ZMYND11: variants seen among roughly 807,000 people sequenced by gnomAD.
ZMYND11 encodes zinc finger MYND domain-containing protein 11.
A neutral mutation model predicts 84.9 loss-of-function variants in ZMYND11; 9 were observed. The observed-to-expected ratio is 0.11, with a 90% confidence interval of 0.06 to 0.18. The LOEUF (loss-of-function observed/expected upper bound fraction) is 0.18. Among genes scored for constraint, ZMYND11 ranks in the 10% least tolerant of loss-of-function variants. The probability of loss-of-function intolerance (pLI) is 1.00; values close to 1 mark genes in which losing one functional copy is unlikely to be tolerated. For synonymous variants in ZMYND11, 250 were observed against 244.1 expected, an observed-to-expected ratio of 1.02 and a Z score of -0.23; for missense variants, 409 against 761.0, an observed-to-expected ratio of 0.54 and a Z score of 5.44.
chr10:248,252 G>A (rs2131960423), intron 12 of ZMYND11, 84 bp from the exon 13 acceptor site: 2 of 1,519,068 alleles, frequency 1.3e-6, no homozygotes, highest in East Asian at 2.3e-5. Context: ...GTATATCACT[G>A]AATTTTTATC....
At chr10:217,773 A>G (rs184054828) in intron 3 of ZMYND11, among the ~76,000 whole-genome samples, 54 of 152,216 alleles carry the variant, frequency 3.5e-4, no homozygotes, top group African/African-American at 1.3e-3. Flanking sequence ...GCGTACTATC[A>G]TTTTGTTCAT....
At chr10:242,967 C>G (rs1951336838) in intron 10 of ZMYND11, among the ~76,000 whole-genome samples, 1 of 150,490 alleles carries the variant, frequency 6.6e-6, no homozygotes, top group African/African-American at 2.4e-5. Flanking sequence ...AATAAAATAA[C>G]TCAATACAAA....
chr10:190,137 C>T (rs1268881082), intron 2 of ZMYND11, among the ~76,000 whole-genome samples: 1 of 151,900 alleles, frequency 6.6e-6, no homozygotes, highest in African/African-American at 2.4e-5. Context: ...CATTTTTTTC[C>T]ACCGCAGCTG....
intron 10 of ZMYND11, 113 bp downstream of exon 10, chr10:242,252 A>C: frequency 6.8e-7 from 1 of 1,477,960 alleles, no homozygotes; most frequent in Non-Finnish European, 9.1e-7. Context: ...TGGAAAAAAA[A>C]AACACATTAT....
At chr10:157,872 C>A (rs1842063964) in intron 1 of ZMYND11, among the ~76,000 whole-genome samples, 1 of 152,196 alleles carries the variant, frequency 6.6e-6, no homozygotes. Flanking sequence ...GCAGCCATTT[C>A]CCTTTTCTTC....
intron 1 of ZMYND11, among the ~76,000 whole-genome samples, chr10:150,537 A>G (rs139901387): frequency 1.6e-4 from 24 of 152,136 alleles, no homozygotes; most frequent in Middle Eastern, 3.4e-3. Flanking sequence ...CGGCCTATCA[A>G]TTTTATTGAT....
rs949602896 is a variant in ZMYND11 at position 248,412 on chromosome 10, C to G, written c.1304C>G (p.Ser435Cys). The G allele has an allele frequency of 1.2e-6, 2 of 1,614,182 alleles. No homozygotes were observed. Residue 435 changes from serine to cysteine, a missense_variant, in exon 13 of 15, where the codon TCC (serine) becomes TGC (cysteine). Ser to Cys is a moderately radical substitution (Grantham distance 112, BLOSUM62 -1). This residue lies in a region of ZMYND11 where 141 missense variants were observed against 173.8 expected (regional missense o/e 0.81). Coordinates refer to ENST00000381604, the MANE Select transcript of ZMYND11 (RefSeq NM_001370100.5). The stretch of plus-strand genomic sequence containing the variant: ...ATGCCTCAGCCCATCGAAAAAGTCT[C>G]CGTGTCAACTCAGACAAAGAAGTTA... ...PTMPQPIEKV[S>C]VSTQTKKLSA...
chr10:187,633 C>CAGAA (rs1491387973), intron 2 of ZMYND11, among the ~76,000 whole-genome samples: 1 of 136,192 alleles, frequency 7.3e-6, no homozygotes, highest in Non-Finnish European at 1.6e-5. Context: ...GACTCCGTCT[C>CAGAA]AAAAAAAAAA....
chr10:149,683 T>C (rs1485193401), intron 1 of ZMYND11, among the ~76,000 whole-genome samples: 1 of 152,232 alleles, frequency 6.6e-6, no homozygotes, highest in African/African-American at 2.4e-5. Context: ...GGGTATGTTT[T>C]AGTATAAATG....
rs1477973072 is a variant in ZMYND11 at position 253,730 on chromosome 10, CATTT to C, written c.*1262_*1265del. 1 of 152,554 alleles carries C rather than the reference CATTT, an allele frequency of 6.6e-6. No individual in the cohort carries two copies. Among genetic ancestry groups the C allele is most frequent in the African/African-American group, 2.4e-5 (1 of 41,414 alleles). 9.5% of individuals were successfully genotyped at this position (152,554 alleles called of 1,614,324 possible). A position where few individuals can be genotyped will look rare whatever the true frequency, so the allele number is the denominator to read the frequency against. On this transcript the variant is annotated 3_prime_UTR_variant, in exon 15 of 15. Transcript: ENST00000381604. ...TAGACCAAGTCAAATTCCCATTTAT[CATTT>C]AGTTATTTTTTGAGGTTAGAGAATA...
chr10:163,134 A>C (rs1843273950), intron 1 of ZMYND11, among the ~76,000 whole-genome samples: 1 of 152,186 alleles, frequency 6.6e-6, no homozygotes, highest in Admixed American at 6.5e-5. Flanking sequence ...GAGGGATTAG[A>C]CATTTAGGTT....
intron 2 of ZMYND11, among the ~76,000 whole-genome samples, chr10:190,227 C>G (rs936728909): frequency 6.6e-6 from 1 of 152,124 alleles, no homozygotes; most frequent in African/African-American, 2.4e-5. Context: ...TTTTTCCAGC[C>G]CCTAGCTTTG....
intron 9 of ZMYND11, 132 bp from the exon 10 acceptor site, chr10:241,889 C>A: frequency 1.8e-6 from 2 of 1,121,232 alleles, no homozygotes; most frequent in African/African-American, 1.6e-5. Context: ...AAAAAAATCT[C>A]GTATGTGTTT....
At chr10:160,949 C>CT (rs57227207) in intron 1 of ZMYND11, among the ~76,000 whole-genome samples, 2 of 102,260 alleles carry the variant, frequency 2.0e-5, no homozygotes, top group African/African-American at 7.7e-5. Flanking sequence ...AAATTACTTA[C>CT]TTTTTTTTTT....
chr10:187,016 G>A (rs889224452), intron 2 of ZMYND11, among the ~76,000 whole-genome samples: 5 of 152,034 alleles, frequency 3.3e-5, no homozygotes, highest in Admixed American at 2.6e-4. Flanking sequence ...TCGCTTGAGA[G>A]TAGGAGTTTG....
chr10:196,836 G>A (rs1021889173), intron 2 of ZMYND11, among the ~76,000 whole-genome samples: 1 of 152,182 alleles, frequency 6.6e-6, no homozygotes, highest in African/African-American at 2.4e-5. Context: ...TCTGAAACTG[G>A]GGTAAGAGTA....
intron 7 of ZMYND11, chr10:239,829 C>G (rs927902874): frequency 3.6e-6 from 2 of 552,218 alleles, no homozygotes; most frequent in East Asian, 5.9e-5. Context: ...ACTAGTACCA[C>G]ATCATCCAAA....
upstream of ZMYND11, among the ~76,000 whole-genome samples, chr10:131,775 GC>G (rs1835317574): frequency 6.6e-6 from 1 of 151,638 alleles, no homozygotes; most frequent in East Asian, 1.9e-4. Flanking sequence ...TGTACCTCCC[GC>G]CTTGGCCTCC....
intron 1 of ZMYND11, among the ~76,000 whole-genome samples, chr10:138,297 G>T (rs1836637199): frequency 6.6e-6 from 1 of 151,480 alleles, no homozygotes; most frequent in South Asian, 2.1e-4. Flanking sequence ...TTTTAGTAGG[G>T]GGCCGGGGTG....
Sources: gnomAD v4.1 joint callset for allele counts (sites outside exome capture counted in the v4.1 genomes callset) on GRCh38, gnomAD v4.1.1 for gene constraint, gnomAD v4.1.1 regional missense constraint, MANE v1.5 for transcripts, NCBI Gene and HGNC (gene_info 2026-07-23, HGNC 2026-07-21) for gene names.